Variants in CNOT10 observed in about 807,000 individuals in gnomAD.
The protein encoded by CNOT10 is CCR4-NOT transcription complex, subunit 10.
A neutral mutation model predicts 94.6 loss-of-function variants in CNOT10; 30 were observed. The ratio of observed to expected loss-of-function variants is 0.32; its 90% confidence interval spans 0.24 to 0.43. The LOEUF is 0.43. Ranked by LOEUF, CNOT10 falls within the 20% of genes least tolerant of loss-of-function variation. CNOT10 has a pLI of 1.00. For missense variants in CNOT10, 759 were observed against 877.2 expected (o/e 0.87, Z 1.70); for synonymous variants, 289 against 301.6 (o/e 0.96, Z 0.43).
intron 13 of CNOT10, among the ~76,000 whole-genome samples, chr3:32,743,987 C>T (rs1559506066): frequency 6.6e-6 from 1 of 151,930 alleles, no homozygotes; most frequent in Non-Finnish European, 1.5e-5. Flanking sequence ...AGAAAGGAAA[C>T]AGTACAAGAT....
In CNOT10 at chr3:32,759,478, G is replaced by A. The variant is rs200291134; in HGVS notation, c.1616G>A (p.Ser539Asn). The A allele has an allele frequency of 1.6e-5, 26 of 1,613,698 alleles. No individual in the cohort carries two copies. The highest frequency in any genetic ancestry group is 1.7e-4 in the Middle Eastern group (1 of 6,058). ...TATAGGTGCTCCATACTTGCTTGCA[G>A]TGCCTACGTGGCTCTGGCTTTGGGT... ...ENLKCSILAC[S>N]AYVALALGDN... The change falls in exon 14 of 19, where the codon AGT becomes AAT. Residue 539 changes from serine to asparagine, a missense_variant. This residue lies in a region of CNOT10 where 682 missense variants were observed against 799.4 expected (regional missense o/e 0.85). Transcript: ENST00000328834.
intron 5 of CNOT10, among the ~76,000 whole-genome samples, chr3:32,714,723 A>G (rs111257389): frequency 6.6e-6 from 1 of 152,158 alleles, no homozygotes; most frequent in Middle Eastern, 3.2e-3. Context: ...ATAAAAAAGC[A>G]TACATTTATG....
chr3:32,746,222 A>T lies in CNOT10; in HGVS notation c.1595+8732A>T, dbSNP rs544560754. ...ATAAACGCATCAATTTAAGCAGCAGACCCCAGCCTTTTTGGCACCAGGGAC... is the reference window on the plus strand; with the variant it reads ...ATAAACGCATCAATTTAAGCAGCAGTCCCCAGCCTTTTTGGCACCAGGGAC... On this transcript the variant is annotated intron_variant, in intron 13 of 18. Coordinates refer to ENST00000328834, the MANE Select transcript of CNOT10 (RefSeq NM_015442.3). Among the ~76,000 whole-genome samples, 4 of 152,224 alleles carry T rather than the reference A, an allele frequency of 2.6e-5. No homozygotes were observed. In the East Asian group the frequency reaches 7.7e-4, roughly 29 times the overall value.
chr3:32,714,718 A>C lies in CNOT10; in HGVS notation c.573+1349A>C, dbSNP rs192598740. 3.9e-5 allele frequency among the ~76,000 whole-genome samples: 6 copies of C among 152,268 alleles called. No individual in the cohort carries two copies. The East Asian group carries it at 1.2e-3, about 29-fold the overall frequency. ...AGCAAGACTCAAACTCAAAAATAAA[A>C]AAGCATACATTTATGATGTTTAAGC... On this transcript the variant is annotated intron_variant, in intron 5 of 18. Coordinates refer to ENST00000328834, the MANE Select transcript of CNOT10 (RefSeq NM_015442.3).
chr3:32,695,325 T>G (rs547471940), intron 1 of CNOT10, among the ~76,000 whole-genome samples: 3 of 152,060 alleles, frequency 2.0e-5, no homozygotes, highest in African/African-American at 7.2e-5. Context: ...GTGGCATCCT[T>G]CTTAAGATTT....
At chr3:32,768,715 A>G (rs1274810588) in intron 17 of CNOT10, among the ~76,000 whole-genome samples, 1 of 152,222 alleles carries the variant, frequency 6.6e-6, no homozygotes, top group African/African-American at 2.4e-5. Context: ...GGCGAGAGGA[A>G]TAAAAGCCTC....
chr3:32,694,447 CTA>C (rs1165011799), intron 1 of CNOT10, among the ~76,000 whole-genome samples: 1 of 152,068 alleles, frequency 6.6e-6, no homozygotes. Flanking sequence ...TATTTTAAAA[CTA>C]GAGTAAATCT....
intron 13 of CNOT10, among the ~76,000 whole-genome samples, chr3:32,756,831 G>A (rs888442391): frequency 6.6e-5 from 10 of 152,134 alleles, no homozygotes; most frequent in East Asian, 3.9e-4. Flanking sequence ...ATATCGGGCC[G>A]GGTGCAGTGG....
At chr3:32,749,599 A>G (rs1699868503) in intron 13 of CNOT10, among the ~76,000 whole-genome samples, 1 of 151,784 alleles carries the variant, frequency 6.6e-6, no homozygotes, top group Non-Finnish European at 1.5e-5. Flanking sequence ...TAGTAGAGAC[A>G]GGATTTCCCC....
chr3:32,691,134 T>C (rs1696831759), intron 1 of CNOT10, among the ~76,000 whole-genome samples: 1 of 150,742 alleles, frequency 6.6e-6, no homozygotes, highest in African/African-American at 2.4e-5. Context: ...TAGCTGGGCT[T>C]GCAGGCACAC....
intron 13 of CNOT10, chr3:32,753,936 A>ACAC: frequency 8.9e-5 from 92 of 1,039,494 alleles, no homozygotes; most frequent in South Asian, 1.3e-4. Flanking sequence ...ACACACACAC[A>ACAC]AAATATAAAA....
chr3:32,720,159 G>T lies in CNOT10; in HGVS notation c.790G>T (p.Gly264Cys). The change falls in exon 8 of 19, where the codon GGT (glycine) becomes TGT (cysteine). Residue 264 changes from glycine (G) to cysteine (C), a missense_variant. Physicochemically the swap from Gly to Cys is radical, Grantham distance 159. Coordinates refer to ENST00000328834, the MANE Select transcript of CNOT10 (RefSeq NM_015442.3). ...FLKSNFEYLR[G>C]NYRKAVKLLN... ...TAAAAGCAATTTTGAGTACTTAAGA[G>T]GTAATTATCGAAAAGCCGTGAAGCT... The T allele has an allele frequency of 6.4e-7, 1 of 1,557,122 alleles. No homozygotes were observed. The highest frequency in any genetic ancestry group is 1.2e-5 in the South Asian group (1 of 83,348).
intron 13 of CNOT10, among the ~76,000 whole-genome samples, chr3:32,740,547 C>G (rs1181814968): frequency 6.6e-6 from 1 of 151,716 alleles, no homozygotes; most frequent in Non-Finnish European, 1.5e-5. Flanking sequence ...ATTTTCATTA[C>G]ATTCAATTTC....
At chr3:32,729,785 T>TC (rs1698852842) in intron 10 of CNOT10, among the ~76,000 whole-genome samples, 1 of 112,110 alleles carries the variant, frequency 8.9e-6, no homozygotes, top group Non-Finnish European at 2.0e-5. Flanking sequence ...TTTTTTTTTT[T>TC]TGAGACGGAG....
intron 7 of CNOT10, among the ~76,000 whole-genome samples, chr3:32,718,678 C>G (rs1166065505): frequency 6.6e-6 from 1 of 151,220 alleles, no homozygotes; most frequent in Non-Finnish European, 1.5e-5. Flanking sequence ...CATCCTAAAT[C>G]GGCGAAAACT....
intron 2 of CNOT10, 142 bp from the exon 3 acceptor site, chr3:32,704,669 T>A: frequency 2.3e-6 from 2 of 873,376 alleles, no homozygotes; most frequent in South Asian, 3.9e-5. Context: ...TTTAGTGACT[T>A]TGATTAGTAT....
chr3:32,695,419 T>G (rs1697003726), intron 1 of CNOT10: 1 of 607,482 alleles, frequency 1.6e-6, no homozygotes, highest in African/African-American at 1.9e-5. Flanking sequence ...CCCTTTTTTC[T>G]TTGGAAAAGT....
At chr3:32,691,517 G>A (rs912530811) in intron 1 of CNOT10, among the ~76,000 whole-genome samples, 3 of 151,800 alleles carry the variant, frequency 2.0e-5, no homozygotes, top group South Asian at 2.1e-4. Context: ...ATGTTGGCCC[G>A]GCTGGTCTTG....
At chr3:32,754,543 G>A (rs1356208259) in intron 13 of CNOT10, among the ~76,000 whole-genome samples, 1 of 102,046 alleles carries the variant, frequency 9.8e-6, no homozygotes, top group Non-Finnish European at 1.9e-5. Flanking sequence ...TTTTTGAGAC[G>A]GAGTCTTGCT....
Sources: gnomAD v4.1 joint callset for allele counts (sites outside exome capture counted in the v4.1 genomes callset) on GRCh38, gnomAD v4.1.1 for gene constraint, gnomAD v4.1.1 regional missense constraint, MANE v1.5 for transcripts, NCBI Gene and HGNC (gene_info 2026-07-23, HGNC 2026-07-21) for gene names.